Variants in UQCRB observed in about 807,000 individuals in gnomAD.
UQCRB encodes ubiquinol-cytochrome c reductase binding protein.
A neutral mutation model predicts 19.8 loss-of-function variants in UQCRB; 12 were observed. The ratio of observed to expected loss-of-function variants is 0.61; its 90% confidence interval spans 0.39 to 0.98. The LOEUF (loss-of-function observed/expected upper bound fraction) is 0.98, where lower values mean the gene tolerates loss of function less well. Ranked by LOEUF, UQCRB falls within the 50% of genes least tolerant of loss-of-function variation. The pLI, the probability that UQCRB is intolerant of heterozygous loss-of-function variation, is 0.00. For missense variants in UQCRB, 142 were observed against 131.8 expected (o/e 1.08, Z -0.38); for synonymous variants, 39 against 42.9 (o/e 0.91, Z 0.35).
chr8:96,234,958 G>A (rs1809771533), intron 1 of UQCRB: 2 of 215,864 alleles, frequency 9.3e-6, no homozygotes, highest in East Asian at 1.2e-4. Context: ...AGCGTCGCTC[G>A]TATCCCTTGC....
chr8:96,230,496 G>A lies in UQCRB; in HGVS notation c.*559C>T, dbSNP rs1341436603. ...CAAAGTGGAAAAGTCACTGGGATAT[G>A]GGGACAGTATGATTTGTCTTTATAC... On this transcript the variant is annotated 3_prime_UTR_variant, in exon 4 of 4. Transcript: ENST00000287022. 2 of 453,944 alleles carry A rather than the reference G, an allele frequency of 4.4e-6. No individual in the cohort carries two copies. Among genetic ancestry groups the A allele is most frequent in the South Asian group, 1.6e-5 (1 of 64,460 alleles). The allele number at this position is 453,944 out of a possible 1,614,324, so 28.1% of individuals were successfully genotyped here. A position where few individuals can be genotyped will look rare whatever the true frequency, so the allele number is the denominator to read the frequency against.
chr8:96,229,241 C>G lies in UQCRB; in HGVS notation c.*1814G>C. On this transcript the variant is annotated 3_prime_UTR_variant, in exon 4 of 4. Transcript: ENST00000287022. ...TTGCCTTATGTAATACCACACTTTACCTTGAGCAGGTGGATAGCCTGGGGG... is the reference window on the plus strand; with the variant it reads ...TTGCCTTATGTAATACCACACTTTAGCTTGAGCAGGTGGATAGCCTGGGGG... The G allele has an allele frequency of 2.2e-6, 1 of 454,096 alleles. No individual in the cohort carries two copies. The highest frequency in any genetic ancestry group is 1.6e-5 in the South Asian group (1 of 64,474). 28.1% of individuals were successfully genotyped at this position (454,096 alleles called of 1,614,324 possible).
rs745740140 is a variant in UQCRB, at chr8:96,223,365, G to T, written c.*7690C>A. On this transcript the variant is annotated 3_prime_UTR_variant, in exon 4 of 4. Coordinates refer to ENST00000287022, the MANE Select transcript of UQCRB (RefSeq NM_006294.5). Reference sequence around the variant, plus strand: ...AACTTTCCATTTGCTCACTTGCAAAGTGTGATCTTGTACCCGTTACCTAAC... The same window carrying T: ...AACTTTCCATTTGCTCACTTGCAAATTGTGATCTTGTACCCGTTACCTAAC... Among the ~76,000 whole-genome samples the T allele has an allele frequency of 5.9e-5, 9 of 152,314 alleles. No individual in the cohort carries two copies. Among genetic ancestry groups the T allele is most frequent in the Non-Finnish European group, 1.2e-4 (8 of 68,028 alleles).
rs1160596249 is a variant in UQCRB at position 96,223,912 on chromosome 8, TG to T, written c.*7142del. On this transcript the variant is annotated 3_prime_UTR_variant, in exon 4 of 4. Coordinates refer to ENST00000287022, the MANE Select transcript of UQCRB (RefSeq NM_006294.5). ...TCTATCATGGGTAGAGGCAGACAGGTGGGGGTGGTAGAAGCCAGGCTTTGGA... is the reference window on the plus strand; with the variant it reads ...TCTATCATGGGTAGAGGCAGACAGGTGGGGTGGTAGAAGCCAGGCTTTGGA... Among the ~76,000 whole-genome samples, 3 of 152,116 alleles carry T rather than the reference TG, an allele frequency of 2.0e-5. No individual in the cohort carries two copies. The highest frequency in any genetic ancestry group is 3.9e-4 in the East Asian group (2 of 5,170).
intron 3 of UQCRB, 35 bp downstream of exon 3, chr8:96,231,739 T>G (rs567823218): frequency 6.2e-6 from 10 of 1,613,776 alleles, no homozygotes; most frequent in South Asian, 1.1e-5. Flanking sequence ...CCATCCTTAA[T>G]GAGCAACACT....
Position 96,223,029 on chromosome 8 carries a change from G to C in UQCRB, c.*8026C>G, listed in dbSNP as rs1809471554. Among the ~76,000 whole-genome samples, 2 of 151,780 alleles carry C rather than the reference G, an allele frequency of 1.3e-5. No homozygotes were observed. Among genetic ancestry groups the C allele is most frequent in the South Asian group, 4.2e-4 (2 of 4,812 alleles). ...AGAAGAATGGTGGTTTCCAGAGTGG[G>C]AAGGATCAGGAAATGGGGAGAGGTA... On this transcript the variant is annotated 3_prime_UTR_variant, in exon 4 of 4. Transcript: ENST00000287022.
Position 96,226,147 on chromosome 8 carries a change from T to C in UQCRB, c.*4908A>G, listed in dbSNP as rs887317869. ...CCTAGCTTCTGCCTAGCCTGGAACA[T>C]AAACACATACATCAATTTAAAAAAT... On this transcript the variant is annotated 3_prime_UTR_variant, in exon 4 of 4. Transcript: ENST00000287022. The C allele has an allele frequency of 5.3e-5, 8 of 152,206 alleles. No individual in the cohort carries two copies. Among genetic ancestry groups the C allele is most frequent in the African/African-American group, 1.9e-4 (8 of 41,454 alleles). 9.4% of individuals were successfully genotyped at this position (152,206 alleles called of 1,614,324 possible).
Position 96,235,542 on chromosome 8 carries a change from A to G in UQCRB, c.-12T>C, listed in dbSNP as rs376081656. ...TGCTTACCAGCCATTTTGACCAGAA[A>G]GAGAAGCGTTGCCTTCTGGGTAAGT... On this transcript the variant is annotated 5_prime_UTR_variant, in exon 1 of 4. Coordinates refer to ENST00000287022, the MANE Select transcript of UQCRB (RefSeq NM_006294.5). 30 of 1,614,104 alleles carry G rather than the reference A, an allele frequency of 1.9e-5. No individual in the cohort carries two copies. Among genetic ancestry groups the G allele is most frequent in the East Asian group, 1.1e-4 (5 of 44,894 alleles).
chr8:96,234,840 A>T (rs1451941583), intron 1 of UQCRB: 1 of 76,538 alleles, frequency 1.3e-5, no homozygotes, highest in Non-Finnish European at 3.4e-5. Context: ...GAGATTAGCA[A>T]AAAAAAAAAA....
In UQCRB at chr8:96,229,163, C is replaced by T. The variant is rs1341935923; in HGVS notation, c.*1892G>A. On this transcript the variant is annotated 3_prime_UTR_variant, in exon 4 of 4. Coordinates refer to ENST00000287022, the MANE Select transcript of UQCRB (RefSeq NM_006294.5). ...TTAGAAGAATGAAGTAATCTGGAAA[C>T]ATAGAATAGGCATACACTTTGGCTT... 1 of 453,986 alleles carries T rather than the reference C, an allele frequency of 2.2e-6. No homozygotes were observed. Among genetic ancestry groups the T allele is most frequent in the African/African-American group, 2.0e-5 (1 of 50,006 alleles). The allele number at this position is 453,986 out of a possible 1,614,324, so 28.1% of individuals were successfully genotyped here.
intron 1 of UQCRB, 172 bp from the exon 2 acceptor site, chr8:96,233,399 T>A: frequency 1.6e-6 from 1 of 614,386 alleles, no homozygotes; most frequent in Admixed American, 3.1e-5. Context: ...GAATTAGATT[T>A]AAAAGAAAAA....
chr8:96,234,999 C>T (rs965970613), intron 1 of UQCRB: 1 of 232,120 alleles, frequency 4.3e-6, no homozygotes, highest in East Asian at 1.1e-4. Context: ...GTTTGAGAAG[C>T]GCGAGGGGTG....
chr8:96,234,244 G>C (rs2129822273), intron 1 of UQCRB: 1 of 229,362 alleles, frequency 4.4e-6, no homozygotes, highest in South Asian at 4.5e-5. Context: ...AGAAAAACAA[G>C]TATCAGTCAA....
chr8:96,225,427 C>T lies in UQCRB; in HGVS notation c.*5628G>A, dbSNP rs1809510382. On this transcript the variant is annotated 3_prime_UTR_variant, in exon 4 of 4. Transcript: ENST00000287022. Reference sequence around the variant, plus strand: ...CCAGTATTGAAAAACTTCAAATATTCATCCCCTTTGCCCCAACATTTTCAC... The same window carrying T: ...CCAGTATTGAAAAACTTCAAATATTTATCCCCTTTGCCCCAACATTTTCAC... Among the ~76,000 whole-genome samples the T allele has an allele frequency of 6.6e-6, 1 of 152,148 alleles. No individual in the cohort carries two copies. Among genetic ancestry groups the T allele is most frequent in the Non-Finnish European group, 1.5e-5 (1 of 68,026 alleles).
intron 2 of UQCRB, chr8:96,232,885 G>C (rs1441557637): frequency 5.9e-6 from 2 of 336,738 alleles, no homozygotes; most frequent in Non-Finnish European, 1.1e-5. Context: ...AGTTGGGAAA[G>C]GGGGTGTAGA....
At position 96,226,933 on chromosome 8, in the gene UQCRB, C is replaced by T. The variant is rs754316469; in HGVS notation, c.*4122G>A. On this transcript the variant is annotated 3_prime_UTR_variant, in exon 4 of 4. Coordinates refer to ENST00000287022, the MANE Select transcript of UQCRB (RefSeq NM_006294.5). ...CTTCTTTCTTGCTCAATTGCTAATA[C>T]AATAAAATTTCTTAGCAAAATATAA... 21 of 453,814 alleles carry T rather than the reference C, an allele frequency of 4.6e-5. No individual in the cohort carries two copies. The highest frequency in any genetic ancestry group is 2.2e-4 in the South Asian group (14 of 64,442). The allele number at this position is 453,814 out of a possible 1,614,324, so 28.1% of individuals were successfully genotyped here.
chr8:96,225,540 C>T lies in UQCRB; in HGVS notation c.*5515G>A, dbSNP rs1367938951. On this transcript the variant is annotated 3_prime_UTR_variant, in exon 4 of 4. Coordinates refer to ENST00000287022, the MANE Select transcript of UQCRB (RefSeq NM_006294.5). Reference sequence around the variant, plus strand: ...CGTACACCTTTCAGGTTGCATCTCCCATGTCTCTCCAGCTGATATTTGCCA... The same window carrying T: ...CGTACACCTTTCAGGTTGCATCTCCTATGTCTCTCCAGCTGATATTTGCCA... Among the ~76,000 whole-genome samples, 1 of 152,056 alleles carries T rather than the reference C, an allele frequency of 6.6e-6. No homozygotes were observed.
rs936583989 is a variant in UQCRB at position 96,230,132 on chromosome 8, G to A, written c.*923C>T. 21 of 453,980 alleles carry A rather than the reference G, an allele frequency of 4.6e-5. No homozygotes were observed. In the Admixed American group the frequency reaches 4.9e-4, roughly 11 times the overall value. The allele number at this position is 453,980 out of a possible 1,614,324, so 28.1% of individuals were successfully genotyped here. On this transcript the variant is annotated 3_prime_UTR_variant, in exon 4 of 4. Coordinates refer to ENST00000287022, the MANE Select transcript of UQCRB (RefSeq NM_006294.5). Reference sequence around the variant, plus strand: ...TCAATGTCGCTCAGGCTGAAGTGCAGTGGTGTGATCTAGGCTCACTGCAAC... The same window carrying A: ...TCAATGTCGCTCAGGCTGAAGTGCAATGGTGTGATCTAGGCTCACTGCAAC...
chr8:96,227,192 C>T lies in UQCRB; in HGVS notation c.*3863G>A. ...CATAACTGATTGAAGTAATAAAATC[C>T]TGAAACTAAATAACATCTCATAATT... On this transcript the variant is annotated 3_prime_UTR_variant, in exon 4 of 4. Coordinates refer to ENST00000287022, the MANE Select transcript of UQCRB (RefSeq NM_006294.5). The T allele has an allele frequency of 2.2e-6, 1 of 452,682 alleles. No homozygotes were observed. 28.0% of individuals were successfully genotyped at this position (452,682 alleles called of 1,614,324 possible).
Sources: allele counts gnomAD v4.1 joint callset (sites outside exome capture counted in the v4.1 genomes callset), GRCh38; gene constraint gnomAD v4.1.1; transcripts MANE v1.5; gene names NCBI Gene and HGNC (gene_info 2026-07-23, HGNC 2026-07-21).